DGKH: variants seen among roughly 807,000 people sequenced by gnomAD.
DGKH encodes the protein DAG kinase eta.
A neutral mutation model predicts 159.3 loss-of-function variants in DGKH; 90 were observed. That is an observed-to-expected ratio of 0.57 (90% confidence interval 0.48 to 0.67). The LOEUF is 0.67. Ranked by LOEUF, DGKH falls within the 30% of genes least tolerant of loss-of-function variation. The probability of loss-of-function intolerance (pLI) is 0.00; values close to 1 mark genes in which losing one functional copy is unlikely to be tolerated. For synonymous variants in DGKH, 536 were observed against 553.8 expected (o/e 0.97, Z 0.45); for missense variants, 1,181 against 1,506.1 (o/e 0.78, Z 3.57).
At chr13:42,198,436 T>C (rs767308452) in intron 17 of DGKH, 42 bp from the exon 18 acceptor site, 1 of 1,568,584 alleles carries the variant, frequency 6.4e-7, no homozygotes, top group East Asian at 2.2e-5. Flanking sequence ...TCTGTGTTTT[T>C]TCTTAACATG....
intron 13 of DGKH, 60 bp from the exon 14 acceptor site, chr13:42,186,989 T>A: frequency 7.0e-7 from 1 of 1,433,356 alleles, no homozygotes; most frequent in Non-Finnish European, 9.8e-7. Flanking sequence ...AATATATTCA[T>A]AAATCAAGGC....
chr13:42,183,850 T>C (rs2138083396), intron 13 of DGKH, among the ~76,000 whole-genome samples: 1 of 152,370 alleles, frequency 6.6e-6, no homozygotes, highest in Non-Finnish European at 1.5e-5. Context: ...TCCTTTTATT[T>C]AGTCAGTAGT....
chr13:42,150,359 A>G (rs1022761391), intron 3 of DGKH, among the ~76,000 whole-genome samples: 1 of 152,196 alleles, frequency 6.6e-6, no homozygotes, highest in Non-Finnish European at 1.5e-5. Context: ...CTATTTGTCT[A>G]GTATAACAGG....
At chr13:42,222,890 A>G (rs1462265921) in intron 29 of DGKH, among the ~76,000 whole-genome samples, 6 of 152,222 alleles carry the variant, frequency 3.9e-5, no homozygotes, top group African/African-American at 1.4e-4. Context: ...AGCAGAATGA[A>G]TGTGTAGAAT....
Position 42,166,527 on chromosome 13 carries a change from C to A in DGKH, c.971C>A (p.Ala324Glu). The A allele has an allele frequency of 6.5e-7, 1 of 1,545,456 alleles. No homozygotes were observed. Among genetic ancestry groups the A allele is most frequent in the Non-Finnish European group, 8.7e-7 (1 of 1,145,730 alleles). ...NSTDSDGFCR[A>E]TFSFCVSPLL... is the part of the protein sequence containing the mutation. ...GTTTTTTTCACAGGTTTCTGTAGAGCAACATTTTCGTTCTGTGTTAGTCCT... is the reference window on the plus strand; with the variant it reads ...GTTTTTTTCACAGGTTTCTGTAGAGAAACATTTTCGTTCTGTGTTAGTCCT... Residue 324 changes from alanine (A) to glutamate (E), a missense_variant, in exon 9 of 30, where the codon GCA becomes GAA. Physicochemically the swap from Ala to Glu is moderately radical, Grantham distance 107. Transcript: ENST00000337343.
chr13:42,132,422 G>A (rs1252447011), intron 3 of DGKH, among the ~76,000 whole-genome samples: 2 of 152,212 alleles, frequency 1.3e-5, no homozygotes, highest in Non-Finnish European at 2.9e-5. Context: ...TAATCTGAAA[G>A]AGGGTTTCAG....
In DGKH at chr13:42,154,140, A is replaced by G. The variant is rs1422491486; in HGVS notation, c.385-1151A>G. 3.3e-5 allele frequency among the ~76,000 whole-genome samples: 5 copies of G among 152,182 alleles called. No homozygotes were observed. In the East Asian group the frequency reaches 9.6e-4, roughly 29 times the overall value. Reference sequence around the variant, plus strand: ...TCTTTTTGTTTGTTTGTTTTAGAAGATTATTGCTTTTTCATTACTTGTGAA... The same window carrying G: ...TCTTTTTGTTTGTTTGTTTTAGAAGGTTATTGCTTTTTCATTACTTGTGAA... On this transcript the variant is annotated intron_variant, in intron 3 of 29. Transcript: ENST00000337343.
At chr13:42,086,913 A>G (rs935993854) in intron 1 of DGKH, among the ~76,000 whole-genome samples, 1 of 152,120 alleles carries the variant, frequency 6.6e-6, no homozygotes, top group Admixed American at 6.6e-5. Flanking sequence ...GTGGGGGAAA[A>G]TATGAGAGAG....
chr13:42,219,179 G>T (rs766924272), intron 26 of DGKH, 51 bp from the exon 27 acceptor site: 4 of 1,607,498 alleles, frequency 2.5e-6, no homozygotes, highest in South Asian at 1.1e-5. Flanking sequence ...TCTACGTGAG[G>T]CTGGCCACTG....
At chr13:42,103,349 T>C (rs1241288903) in intron 1 of DGKH, among the ~76,000 whole-genome samples, 2 of 152,196 alleles carry the variant, frequency 1.3e-5, no homozygotes, top group South Asian at 4.1e-4. Context: ...AATATTTCTG[T>C]TTCTAGCATG....
intron 3 of DGKH, among the ~76,000 whole-genome samples, chr13:42,130,310 C>G (rs1007705069): frequency 6.6e-6 from 1 of 152,200 alleles, no homozygotes; most frequent in Non-Finnish European, 1.5e-5. Context: ...ATTCCTCCCC[C>G]ATCTGTCACG....
intron 20 of DGKH, among the ~76,000 whole-genome samples, chr13:42,200,358 G>T (rs966138501): frequency 3.9e-5 from 6 of 152,140 alleles, no homozygotes; most frequent in Non-Finnish European, 8.8e-5. Flanking sequence ...AATTAAAAGA[G>T]ATTTTGAGCA....
At chr13:42,210,159 A>G (rs1314386147) in intron 23 of DGKH, among the ~76,000 whole-genome samples, 1 of 151,982 alleles carries the variant, frequency 6.6e-6, no homozygotes, top group African/African-American at 2.4e-5. Context: ...AGATTGAAGC[A>G]TGAAATATTT....
intron 21 of DGKH, among the ~76,000 whole-genome samples, chr13:42,206,588 T>C (rs916137193): frequency 2.0e-5 from 3 of 152,208 alleles, no homozygotes; most frequent in African/African-American, 7.2e-5. Flanking sequence ...CTTACTGGGC[T>C]AAAATCAAGG....
intron 2 of DGKH, 44 bp downstream of exon 2, chr13:42,127,617 T>C (rs1170740320): frequency 1.3e-6 from 2 of 1,558,768 alleles, no homozygotes; most frequent in Non-Finnish European, 1.8e-6. Context: ...AGGCTATGGA[T>C]GGATGTAAAA....
chr13:42,060,143 T>C (rs1215802473), intron 1 of DGKH, among the ~76,000 whole-genome samples: 3 of 139,504 alleles, frequency 2.2e-5, no homozygotes, highest in African/African-American at 4.9e-5. Flanking sequence ...TGACCTCAGG[T>C]GATCCACCGG....
rs963676619 is a variant in DGKH at position 42,256,562 on chromosome 13, C to T, written n.4406C>T. On this transcript the variant is annotated non_coding_transcript_exon_variant, in exon 31 of 31. Coordinates refer to the DGKH transcript ENST00000498255. The stretch of plus-strand genomic sequence containing the variant: ...TAAGTAAATTTATAATGAAAATAAA[C>T]GTGTATATAATTTTTTAAAAAACTG... 184 of 693,218 alleles carry T rather than the reference C, an allele frequency of 2.7e-4. 2 individuals carry two copies. Among genetic ancestry groups the T allele is most frequent in the South Asian group, 2.6e-3 (164 of 62,546 alleles). The allele number at this position is 693,218 out of a possible 1,614,324, so 42.9% of individuals were successfully genotyped here.
At chr13:42,226,044 T>C (rs1011853370) in intron 29 of DGKH, among the ~76,000 whole-genome samples, 27 of 152,122 alleles carry the variant, frequency 1.8e-4, no homozygotes, top group African/African-American at 6.0e-4. Flanking sequence ...TTTTGCAATC[T>C]GTCCATCTGA....
intron 1 of DGKH, among the ~76,000 whole-genome samples, chr13:42,099,339 A>C (rs1238461107): frequency 6.6e-6 from 1 of 152,190 alleles, no homozygotes; most frequent in African/African-American, 2.4e-5. Context: ...GATGTTGTGC[A>C]GAGTGCGGGG....
Sources: gnomAD v4.1 joint callset for allele counts (sites outside exome capture counted in the v4.1 genomes callset) on GRCh38, gnomAD v4.1.1 for gene constraint, MANE v1.5 for transcripts, NCBI Gene and HGNC (gene_info 2026-07-23, HGNC 2026-07-21) for gene names.